Variants in CLASP2 observed in about 807,000 individuals in gnomAD.
CLASP2 encodes the protein cytoplasmic linker associated protein 2.
CLASP2 carries 47 observed loss-of-function variants against 194.4 expected under a neutral mutation model. That is an observed-to-expected ratio of 0.24 (90% CI 0.19 to 0.31). The LOEUF (loss-of-function observed/expected upper bound fraction) is 0.31. Ranked by LOEUF, CLASP2 falls within the 10% of genes least tolerant of loss-of-function variation. CLASP2 has a pLI of 1.00. For synonymous variants in CLASP2, 619 were observed against 633.5 expected, an observed-to-expected ratio of 0.98 and a Z score of 0.34; for missense variants, 1,445 against 1,823.6, an observed-to-expected ratio of 0.79 and a Z score of 3.78.
chr3:33,506,895 G>C (rs2048398929), intron 37 of CLASP2, among the ~76,000 whole-genome samples: 1 of 151,316 alleles, frequency 6.6e-6, no homozygotes, highest in Non-Finnish European at 1.5e-5. Context: ...TTAAAATTGA[G>C]AGTGTAAGTA....
At chr3:33,574,685 GA>G (rs545173307) in intron 24 of CLASP2, among the ~76,000 whole-genome samples, 2 of 152,090 alleles carry the variant, frequency 1.3e-5, no homozygotes, top group Non-Finnish European at 2.9e-5. Flanking sequence ...AGTTCAAAGA[GA>G]AATAGTGATG....
At position 33,688,354 on chromosome 3, in the gene CLASP2, C is replaced by A; in HGVS notation, c.393G>T (p.Gln131His). ...QVAPPMYIWE[Q>H]LASGFKHKNF... is the part of the protein sequence containing the mutation. ...TCTTGTGTTTAAAACCAGAAGCCAA[C>A]TGCTCCCAAATGTACTATTTGAAAG... is the stretch of plus-strand genomic sequence containing the variant. The change falls in exon 4 of 39, where the codon CAG becomes CAT. Residue 131 changes from glutamine to histidine, a missense_variant. Coordinates refer to ENST00000682230, the MANE Select transcript of CLASP2 (RefSeq NM_001365631.1). The A allele has an allele frequency of 1.3e-6, 2 of 1,588,070 alleles. No individual in the cohort carries two copies. Among genetic ancestry groups the A allele is most frequent in the South Asian group, 1.2e-5 (1 of 86,820 alleles).
intron 25 of CLASP2, among the ~76,000 whole-genome samples, 179 bp downstream of exon 25, chr3:33,572,931 A>G: frequency 9.2e-6 from 1 of 108,614 alleles, no homozygotes; most frequent in South Asian, 2.9e-4. Context: ...TTTTTTTTTT[A>G]GTAATGAAAG....
chr3:33,515,963 T>C (rs1406634441), intron 36 of CLASP2, 60 bp downstream of exon 36: 2 of 1,493,028 alleles, frequency 1.3e-6, no homozygotes, highest in South Asian at 1.3e-5. Flanking sequence ...TTTTACACAA[T>C]GGTTACATGT....
At chr3:33,603,384 TA>T (rs1220351537) in intron 17 of CLASP2, among the ~76,000 whole-genome samples, 4 of 152,246 alleles carry the variant, frequency 2.6e-5, no homozygotes, top group African/African-American at 9.6e-5. Context: ...ATTGTGACTG[TA>T]AAATTCATAG....
intron 1 of CLASP2, among the ~76,000 whole-genome samples, chr3:33,704,272 G>T (rs898613767): frequency 2.0e-5 from 3 of 152,164 alleles, no homozygotes; most frequent in African/African-American, 7.2e-5. Flanking sequence ...TATAACAAGT[G>T]TATCACTCTG....
intron 34 of CLASP2, among the ~76,000 whole-genome samples, chr3:33,533,520 C>A (rs950662763): frequency 6.6e-6 from 1 of 152,066 alleles, no homozygotes; most frequent in Non-Finnish European, 1.5e-5. Flanking sequence ...TCCTCAATAT[C>A]TAATAATCAA....
chr3:33,653,289 A>G (rs2083539652), intron 7 of CLASP2, among the ~76,000 whole-genome samples: 1 of 152,212 alleles, frequency 6.6e-6, no homozygotes. Context: ...GCCATTAGAA[A>G]AATTTTCAAT....
chr3:33,684,472 G>T lies in CLASP2; in HGVS notation c.547-16C>A. 2.6e-6 allele frequency: 4 copies of T among 1,525,230 alleles called. No individual in the cohort carries two copies. The highest frequency in any genetic ancestry group is 1.2e-5 in the South Asian group (1 of 82,360). The allele number at this position is 1,525,230 out of a possible 1,614,324, so 94.5% of individuals were successfully genotyped here. A position where few individuals can be genotyped will look rare whatever the true frequency, so the allele number is the denominator to read the frequency against. ...CATCTCTCACCTGTCAAAGAATTCA[G>T]AACTTTTTAATAAACTTATATATGA... On this transcript the variant is annotated splice_polypyrimidine_tract_variant and intron_variant, in intron 5 of 38. Coordinates refer to ENST00000682230, the MANE Select transcript of CLASP2 (RefSeq NM_001365631.1).
chr3:33,549,344 T>C (rs984218345), intron 30 of CLASP2, among the ~76,000 whole-genome samples: 18 of 152,234 alleles, frequency 1.2e-4, no homozygotes, highest in African/African-American at 4.3e-4. Context: ...TTTCTTTTTA[T>C]TGTAGGCATT....
At chr3:33,531,387 T>G (rs75077135) in intron 34 of CLASP2, among the ~76,000 whole-genome samples, 1 of 152,024 alleles carries the variant, frequency 6.6e-6, no homozygotes, top group Admixed American at 6.5e-5. Flanking sequence ...GGCAAAGGAA[T>G]AGAAAAGACA....
chr3:33,582,086 T>C (rs2154211632), intron 22 of CLASP2, among the ~76,000 whole-genome samples, 158 bp from the exon 23 acceptor site: 1 of 152,334 alleles, frequency 6.6e-6, no homozygotes, highest in South Asian at 2.1e-4. Context: ...TTACCAGGAA[T>C]ACAGTTAAAT....
intron 38 of CLASP2, among the ~76,000 whole-genome samples, chr3:33,499,621 T>C (rs147623536): frequency 1.3e-5 from 2 of 151,638 alleles, no homozygotes; most frequent in African/African-American, 4.8e-5. Context: ...AGTGCTGGGA[T>C]TACAGTTGTG....
At chr3:33,500,565 A>ATT (rs71070139) in intron 38 of CLASP2, among the ~76,000 whole-genome samples, 2 of 151,618 alleles carry the variant, frequency 1.3e-5, no homozygotes, top group East Asian at 1.9e-4. Flanking sequence ...GCATTTTTCT[A>ATT]TTTTTTTTAA....
intron 7 of CLASP2, among the ~76,000 whole-genome samples, chr3:33,658,521 T>C (rs1281830276): frequency 6.6e-6 from 1 of 152,240 alleles, no homozygotes; most frequent in South Asian, 2.1e-4. Context: ...ATAATGCCCA[T>C]GGCAAGCCAT....
chr3:33,692,613 T>C (rs2154349067), intron 2 of CLASP2, among the ~76,000 whole-genome samples: 2 of 152,258 alleles, frequency 1.3e-5, no homozygotes, highest in South Asian at 4.1e-4. Context: ...AGTTTCCTTG[T>C]CTGTAAAATA....
chr3:33,507,336 T>C (rs953951391), intron 37 of CLASP2, among the ~76,000 whole-genome samples: 1 of 152,218 alleles, frequency 6.6e-6, no homozygotes, highest in Non-Finnish European at 1.5e-5. Flanking sequence ...GTTTTCCTCA[T>C]AGAATTTCCT....
At chr3:33,669,390 C>T (rs1195922855) in intron 6 of CLASP2, among the ~76,000 whole-genome samples, 6 of 151,942 alleles carry the variant, frequency 3.9e-5, no homozygotes, top group African/African-American at 1.4e-4. Flanking sequence ...ACAGAAATTT[C>T]TACTCATAAA....
chr3:33,535,523 T>G, intron 33 of CLASP2, 62 bp from the exon 34 acceptor site: 2 of 1,283,690 alleles, frequency 1.6e-6, no homozygotes, highest in Admixed American at 2.2e-5. Context: ...TATTTAACAT[T>G]CTAAAAAGAT....
Sources: allele counts gnomAD v4.1 joint callset (sites outside exome capture counted in the v4.1 genomes callset), GRCh38; gene constraint gnomAD v4.1.1; transcripts MANE v1.5; gene names NCBI Gene and HGNC (gene_info 2026-07-23, HGNC 2026-07-21).